Variants in PCM1 observed in about 807,000 individuals in gnomAD.
The protein encoded by PCM1 is pericentriolar material 1, also known as pericentriolar material 1 protein.
In PCM1, 157 loss-of-function variants were observed where a neutral mutation model predicts 241.9. The observed-to-expected ratio is 0.65, with a 90% CI of 0.57 to 0.74. PCM1 has a LOEUF of 0.74. PCM1 is among the 30% of genes least tolerant of loss of function. The pLI, the probability that PCM1 is intolerant of heterozygous loss-of-function variation, is 0.00. For missense variants in PCM1, 3,478 were observed against 2,360.1 expected, an observed-to-expected ratio of 1.47 and a Z score of -9.81; for synonymous variants, 1,085 against 784.9, an observed-to-expected ratio of 1.38 and a Z score of -6.39.
chr8:17,935,912 G>T (rs1174142339), intron 3 of PCM1, among the ~76,000 whole-genome samples: 1 of 152,110 alleles, frequency 6.6e-6, no homozygotes, highest in African/African-American at 2.4e-5. Context: ...GTTACATAAA[G>T]ATGTAAAAGT....
At chr8:17,950,367 C>T (rs1285280682) in intron 7 of PCM1, among the ~76,000 whole-genome samples, 1 of 152,134 alleles carries the variant, frequency 6.6e-6, no homozygotes, top group Non-Finnish European at 1.5e-5. Context: ...AATAGTAACC[C>T]TCCTTGTATG....
At chr8:18,006,632 CTT>C (rs1329780984) in intron 30 of PCM1, among the ~76,000 whole-genome samples, 5 of 152,106 alleles carry the variant, frequency 3.3e-5, no homozygotes, top group African/African-American at 4.8e-5. Flanking sequence ...AGGCATGTCT[CTT>C]ATAAGCTTTT....
At chr8:17,968,762 G>GTGTGTGTGTGTGTGTGTGTGTATATA (rs373502456) in intron 21 of PCM1, among the ~76,000 whole-genome samples, 3 of 136,782 alleles carry the variant, frequency 2.2e-5, no homozygotes, top group African/African-American at 8.2e-5. Flanking sequence ...GTGTGTGTGT[G>GTGTGTGTGTGTGTGTGTGTGTATATA]TATATATATA....
rs2094135741 is a variant in PCM1, at chr8:18,025,625, T to A, written c.6016T>A (p.Leu2006Ile). ...GEICEMQTEE[L>I]AGNSETLKEP... is the part of the protein sequence containing the mutation. ...AATATGTGAAATGCAGACCGAAGAATTAGCTGGAAATTCTGAGACACTAAA... is the reference window on the plus strand; with the variant it reads ...AATATGTGAAATGCAGACCGAAGAAATAGCTGGAAATTCTGAGACACTAAA... Residue 2006 changes from leucine (L) to isoleucine (I), a missense_variant, in exon 38 of 39, where the codon TTA (leucine) becomes ATA (isoleucine). Physicochemically the swap from Leu to Ile is conservative, Grantham distance 5 (BLOSUM62 2). Transcript: ENST00000325083. 1.9e-6 allele frequency: 3 copies of A among 1,574,118 alleles called. No homozygotes were observed. The Admixed American group carries it at 5.5e-5, about 29-fold the overall frequency.
intron 2 of PCM1, among the ~76,000 whole-genome samples, chr8:17,928,946 T>C (rs1050894137): frequency 5.3e-5 from 8 of 152,098 alleles, no homozygotes; most frequent in African/African-American, 1.9e-4. Context: ...TCTCCCTCCT[T>C]ACCAACAAAT....
At chr8:17,961,983 T>C in intron 15 of PCM1, 51 bp from the exon 16 acceptor site, 1 of 1,529,724 alleles carries the variant, frequency 6.5e-7, no homozygotes, top group African/African-American at 1.4e-5. Context: ...TTTATGAAAT[T>C]AATATAATTG....
Position 18,029,574 on chromosome 8 carries a change from A to G in PCM1, c.*1912A>G, listed in dbSNP as rs1057016. 0.45 allele frequency: 93,997 copies of G among 206,854 alleles called. 23,836 individuals carry two copies. The highest frequency in any genetic ancestry group is 0.58 in the Non-Finnish European group (58,811 of 101,282). The allele number at this position is 206,854 out of a possible 1,614,324, so 12.8% of individuals were successfully genotyped here. On this transcript the variant is annotated 3_prime_UTR_variant, in exon 39 of 39. Coordinates refer to ENST00000325083, the MANE Select transcript of PCM1 (RefSeq NM_006197.4). ...ACCATAGTACCTATGAACCTTATCAAAATTGCTTATTTGACTGGTGTTACA... is the reference window on the plus strand; with the variant it reads ...ACCATAGTACCTATGAACCTTATCAGAATTGCTTATTTGACTGGTGTTACA...
At chr8:17,993,126 C>T (rs559697005) in intron 28 of PCM1, among the ~76,000 whole-genome samples, 1 of 152,016 alleles carries the variant, frequency 6.6e-6, no homozygotes, top group African/African-American at 2.4e-5. Flanking sequence ...GTTTTTGTTG[C>T]ATTTGCTTTT....
chr8:18,004,754 C>T (rs541595032), intron 29 of PCM1, among the ~76,000 whole-genome samples: 3 of 152,182 alleles, frequency 2.0e-5, no homozygotes, highest in South Asian at 4.1e-4. Flanking sequence ...AATGTATTCT[C>T]CTCCTTAGAG....
At chr8:17,938,493 A>T (rs1206357492) in intron 4 of PCM1, among the ~76,000 whole-genome samples, 2 of 152,176 alleles carry the variant, frequency 1.3e-5, no homozygotes, top group African/African-American at 4.8e-5. Context: ...CTTCATTTAG[A>T]CTTACCTTGT....
intron 7 of PCM1, among the ~76,000 whole-genome samples, chr8:17,949,910 TG>T (rs1467917725): frequency 6.6e-6 from 1 of 152,212 alleles, no homozygotes. Flanking sequence ...TTTATGAATA[TG>T]GGGGCATTTT....
chr8:17,940,496 A>G (rs867742434), intron 6 of PCM1, among the ~76,000 whole-genome samples: 6 of 152,212 alleles, frequency 3.9e-5, no homozygotes, highest in African/African-American at 7.2e-5. Context: ...ATTAAGGGCA[A>G]TAGGCAACAT....
At chr8:17,937,506 T>C (rs758906135) in intron 4 of PCM1, 127 bp downstream of exon 4, 25 of 788,616 alleles carry the variant, frequency 3.2e-5, no homozygotes, top group Non-Finnish European at 4.3e-5. Context: ...TCTGTGCCTA[T>C]GGAAAGAATT....
intron 27 of PCM1, among the ~76,000 whole-genome samples, chr8:17,991,263 T>A (rs148295839): frequency 1.2e-3 from 190 of 152,278 alleles, no homozygotes; most frequent in Admixed American, 3.1e-3. Flanking sequence ...GATAACTAAG[T>A]TTAAATCCTT....
intron 2 of PCM1, among the ~76,000 whole-genome samples, chr8:17,933,477 T>G (rs1389473587): frequency 6.6e-6 from 1 of 152,214 alleles, no homozygotes; most frequent in African/African-American, 2.4e-5. Flanking sequence ...CAGTGGGATC[T>G]TAACTGGAAT....
chr8:18,009,422 C>G, intron 30 of PCM1, 125 bp from the exon 31 acceptor site: 2 of 653,804 alleles, frequency 3.1e-6, no homozygotes, highest in Non-Finnish European at 5.2e-6. Flanking sequence ...TTTAGTAATA[C>G]TAACAACCTA....
intron 23 of PCM1, 68 bp downstream of exon 23, chr8:17,972,755 A>G (rs1196909098): frequency 2.1e-6 from 2 of 939,284 alleles, no homozygotes; most frequent in African/African-American, 3.3e-5. Flanking sequence ...ACATGTTGAC[A>G]TAGATATAGT....
chr8:18,007,339 ATTTTGT>A (rs1163745596), intron 30 of PCM1, among the ~76,000 whole-genome samples: 1 of 152,156 alleles, frequency 6.6e-6, no homozygotes, highest in Non-Finnish European at 1.5e-5. Flanking sequence ...GTAATTTTCC[ATTTTGT>A]TAGTATTAGG....
chr8:17,955,238 G>A lies in PCM1; in HGVS notation c.1289-232G>A, dbSNP rs544834427. Among the ~76,000 whole-genome samples, 427 of 152,022 alleles carry A rather than the reference G, an allele frequency of 2.8e-3. 8 individuals are homozygous for A. The highest frequency in any genetic ancestry group is 0.024 in the South Asian group (118 of 4,824). On this transcript the variant is annotated intron_variant, in intron 9 of 38. Coordinates refer to ENST00000325083, the MANE Select transcript of PCM1 (RefSeq NM_006197.4). ...CTTTCCTTTCTGTTTTAACCCAGTG[G>A]TTATATTGTAAAGGTGATAGAACCT...
Sources: gnomAD v4.1 joint callset for allele counts (sites outside exome capture counted in the v4.1 genomes callset) on GRCh38, gnomAD v4.1.1 for gene constraint, MANE v1.5 for transcripts, NCBI Gene and HGNC (gene_info 2026-07-23, HGNC 2026-07-21) for gene names.